The following ZMYM5 variants were observed in gnomAD, a reference collection of about 807,000 sequenced individuals.
ZMYM5 encodes the protein zinc finger MYM-type protein 5.
ZMYM5 carries 41 observed loss-of-function variants against 61.8 expected under a neutral mutation model. The observed-to-expected ratio is 0.66, with a 90% CI of 0.52 to 0.86. The LOEUF is 0.86. Among genes scored for constraint, ZMYM5 ranks in the 40% least tolerant of loss-of-function variants. The pLI is 0.00. For missense variants in ZMYM5, 706 were observed against 786.7 expected (o/e 0.90, Z 1.23); for synonymous variants, 257 against 276.4 (o/e 0.93, Z 0.70).
chr13:19,827,281 A>G (rs565056253), intron 7 of ZMYM5, among the ~76,000 whole-genome samples: 6 of 152,270 alleles, frequency 3.9e-5, no homozygotes, highest in Admixed American at 2.6e-4. Flanking sequence ...CCTTCAATAC[A>G]TGGGCCCAAA....
intron 5 of ZMYM5, among the ~76,000 whole-genome samples, chr13:19,838,286 G>A (rs1035183189): frequency 2.6e-5 from 4 of 152,194 alleles, no homozygotes; most frequent in Non-Finnish European, 4.4e-5. Context: ...GCTGAGGCAG[G>A]AGAATCGCTT....
intron 2 of ZMYM5, 108 bp from the exon 3 acceptor site, chr13:19,852,298 T>C: frequency 2.5e-6 from 3 of 1,187,524 alleles, no homozygotes; most frequent in South Asian, 3.6e-5. Context: ...TTGTGATACC[T>C]GATATCCATT....
At chr13:19,858,272 C>T (rs1192921274) in intron 2 of ZMYM5, among the ~76,000 whole-genome samples, 1 of 151,608 alleles carries the variant, frequency 6.6e-6, no homozygotes, top group African/African-American at 2.4e-5. Flanking sequence ...CTAGAAATCA[C>T]TAGCCCAGCA....
chr13:19,847,094 T>C (rs1262478202), intron 4 of ZMYM5, among the ~76,000 whole-genome samples: 1 of 152,046 alleles, frequency 6.6e-6, no homozygotes, highest in Non-Finnish European at 1.5e-5. Flanking sequence ...ACTACAGGCA[T>C]GCACAACCAC....
At chr13:19,837,860 G>C (rs773859450) in intron 5 of ZMYM5, 39 bp from the exon 6 acceptor site, 2 of 1,554,632 alleles carry the variant, frequency 1.3e-6, no homozygotes, top group Non-Finnish European at 1.7e-6. Flanking sequence ...TAAGAACACT[G>C]AATTTTAATA....
At chr13:19,826,898 C>T (rs1890944120) in intron 7 of ZMYM5, among the ~76,000 whole-genome samples, 1 of 152,082 alleles carries the variant, frequency 6.6e-6, no homozygotes, top group Non-Finnish European at 1.5e-5. Context: ...ACAGTATTAT[C>T]CATGCAATGG....
At chr13:19,838,246 C>T (rs1452070933) in intron 5 of ZMYM5, among the ~76,000 whole-genome samples, 1 of 152,008 alleles carries the variant, frequency 6.6e-6, no homozygotes, top group African/African-American at 2.4e-5. Context: ...GGCGTGGTGG[C>T]GCGCACCTGT....
At chr13:19,825,861 C>T (rs1031775661) in intron 7 of ZMYM5, among the ~76,000 whole-genome samples, 25 of 151,676 alleles carry the variant, frequency 1.6e-4, no homozygotes, top group African/African-American at 5.1e-4. Flanking sequence ...GCAAATATGG[C>T]GAAACCCCGT....
chr13:19,858,205 A>G (rs1353708618), intron 2 of ZMYM5, among the ~76,000 whole-genome samples: 13 of 148,574 alleles, frequency 8.7e-5, no homozygotes, highest in Non-Finnish European at 1.5e-4. Context: ...CTAAAAATTA[A>G]AAAAAAAAAA....
Position 19,852,174 on chromosome 13 carries a change from T to C in ZMYM5, c.7A>G (p.Lys3Glu). The change falls in exon 3 of 8, where the codon AAA becomes GAA. Residue 3 changes from lysine to glutamate, a missense_variant. Around this residue, in one of 2 missense-constraint regions of ZMYM5, gnomAD observed 480 missense variants for 461.7 expected, o/e 1.04. Coordinates refer to ENST00000337963, the MANE Select transcript of ZMYM5 (RefSeq NM_001142684.2). ME[K>E]CSVGGLELTE... ...AACTCTAATCCTCCCACTGAACATT[T>C]TTCCATGCCAATGAACCTGTAGAGA... The C allele has an allele frequency of 4.4e-6, 7 of 1,592,120 alleles. No homozygotes were observed. The highest frequency in any genetic ancestry group is 6.0e-6 in the Non-Finnish European group (7 of 1,172,984).
In ZMYM5 at chr13:19,849,036, C is replaced by T. The variant is rs573306879; in HGVS notation, c.586+2319G>A. 4.6e-5 allele frequency among the ~76,000 whole-genome samples: 7 copies of T among 152,058 alleles called. No individual in the cohort carries two copies. In the South Asian group the frequency reaches 1.5e-3, roughly 32 times the overall value. ...ATGTAAACATACGTATTTATTGTAGCTTCAAAACAATGAAAAAGCATGTAA... is the reference window on the plus strand; with the variant it reads ...ATGTAAACATACGTATTTATTGTAGTTTCAAAACAATGAAAAAGCATGTAA... On this transcript the variant is annotated intron_variant, in intron 4 of 7. Coordinates refer to ENST00000337963, the MANE Select transcript of ZMYM5 (RefSeq NM_001142684.2).
intron 7 of ZMYM5, among the ~76,000 whole-genome samples, chr13:19,825,604 G>A (rs1890873292): frequency 1.3e-5 from 2 of 151,072 alleles, no homozygotes; most frequent in African/African-American, 2.4e-5. Context: ...CTGAGATCGC[G>A]CCACTGCACT....
At chr13:19,845,757 C>G (rs1013536172) in intron 4 of ZMYM5, among the ~76,000 whole-genome samples, 1 of 152,162 alleles carries the variant, frequency 6.6e-6, no homozygotes, top group African/African-American at 2.4e-5. Flanking sequence ...GGGAGGGTCC[C>G]AAATGCAGAA....
At chr13:19,848,357 T>G (rs1281973855) in intron 4 of ZMYM5, among the ~76,000 whole-genome samples, 1 of 152,078 alleles carries the variant, frequency 6.6e-6, no homozygotes, top group Non-Finnish European at 1.5e-5. Context: ...CATGGCTCAC[T>G]GTAGCCTCAA....
At chr13:19,854,062 T>C (rs1953417895) in intron 2 of ZMYM5, among the ~76,000 whole-genome samples, 1 of 152,132 alleles carries the variant, frequency 6.6e-6, no homozygotes, top group Non-Finnish European at 1.5e-5. Flanking sequence ...CAGGCCAGAG[T>C]GCAGTGGTGC....
intron 2 of ZMYM5, among the ~76,000 whole-genome samples, chr13:19,854,811 T>A (rs1220474404): frequency 6.6e-6 from 1 of 152,122 alleles, no homozygotes; most frequent in Non-Finnish European, 1.5e-5. Flanking sequence ...AGGAGATAAG[T>A]AACCTGCCTA....
At chr13:19,840,355 A>G (rs1566093910) in intron 4 of ZMYM5, among the ~76,000 whole-genome samples, 1 of 152,158 alleles carries the variant, frequency 6.6e-6, no homozygotes, top group African/African-American at 2.4e-5. Context: ...TCTCTACAAA[A>G]AATAAAATTA....
In ZMYM5 at chr13:19,851,731, G is replaced by A. The variant is rs372751633; in HGVS notation, c.450C>T (p.Thr150=). The part of the protein sequence containing the change: ...EWGLPGTKNK[T]NDLDFSTSSL... Reference sequence around the variant, plus strand: ...TGGAAGTGGAGAAATCCAAATCGTTGGTTTTGTTTTTAGTTCCAGGAAGTC... The same window carrying A: ...TGGAAGTGGAGAAATCCAAATCGTTAGTTTTGTTTTTAGTTCCAGGAAGTC... The change falls in exon 3 of 8, where the codon ACC becomes ACT. Residue 150 remains threonine (T), a synonymous_variant. Transcript: ENST00000337963. 1 of 1,583,730 alleles carries A rather than the reference G, an allele frequency of 6.3e-7. No individual in the cohort carries two copies. The highest frequency in any genetic ancestry group is 1.2e-5 in the South Asian group (1 of 84,776).
At chr13:19,854,581 T>C (rs1953435856) in intron 2 of ZMYM5, among the ~76,000 whole-genome samples, 2 of 150,490 alleles carry the variant, frequency 1.3e-5, no homozygotes, top group Admixed American at 1.3e-4. Flanking sequence ...TGAGCTGAGA[T>C]TGTGCCACTG....
Sources: allele counts gnomAD v4.1 joint callset (sites outside exome capture counted in the v4.1 genomes callset), GRCh38; gene constraint gnomAD v4.1.1; regional missense constraint gnomAD v4.1.1; transcripts MANE v1.5; gene names NCBI Gene and HGNC (gene_info 2026-07-23, HGNC 2026-07-21).